DHRS7: variants seen among roughly 807,000 people sequenced by gnomAD.
DHRS7 encodes the protein dehydrogenase/reductase SDR family member 7.
In DHRS7, 34 loss-of-function variants were observed where a neutral mutation model predicts 38.9. The observed-to-expected ratio is 0.87, with a 90% CI of 0.66 to 1.16. The LOEUF is 1.16. DHRS7 is among the 50% of genes most tolerant of loss of function. The pLI, the probability that DHRS7 is intolerant of heterozygous loss-of-function variation, is 0.00. For missense variants in DHRS7, 421 were observed against 407.0 expected, an observed-to-expected ratio of 1.03 and a Z score of -0.30; for synonymous variants, 158 against 153.1, an observed-to-expected ratio of 1.03 and a Z score of -0.24.
intron 1 of DHRS7, among the ~76,000 whole-genome samples, chr14:60,158,492 TACTA>T (rs1391665641): frequency 6.6e-6 from 1 of 151,722 alleles, no homozygotes; most frequent in Non-Finnish European, 1.5e-5. Flanking sequence ...ACACAGGATT[TACTA>T]ACTAGTGTCG....
chr14:60,146,403 T>C lies in DHRS7; in HGVS notation c.973-1390A>G, dbSNP rs1281715157. ...CCCTTTGAAAAAAAAATCACTTCTA[T>C]AATATATTCTTTCTCTGCCCTATTA... On this transcript the variant is annotated intron_variant, in intron 6 of 6. Transcript: ENST00000557185. The surrounding 1 kb of genome is among the most constrained non-coding windows in gnomAD (Gnocchi z 4.9). 1.3e-5 allele frequency: 2 copies of C among 152,172 alleles called. No individual in the cohort carries two copies. Among genetic ancestry groups the C allele is most frequent in the Non-Finnish European group, 2.9e-5 (2 of 68,016 alleles). 9.4% of individuals were successfully genotyped at this position (152,172 alleles called of 1,614,324 possible).
At chr14:60,163,437 T>A (rs1896802782) in intron 1 of DHRS7, among the ~76,000 whole-genome samples, 1 of 152,152 alleles carries the variant, frequency 6.6e-6, no homozygotes, top group African/African-American at 2.4e-5. Flanking sequence ...TGCAGGTACA[T>A]GCCACCACGC....
At position 60,165,160 on chromosome 14, in the gene DHRS7, C is replaced by T. The variant is rs765311924; in HGVS notation, c.133+17G>A. The T allele has an allele frequency of 1.2e-6, 2 of 1,611,174 alleles. No homozygotes were observed. Among genetic ancestry groups the T allele is most frequent in the Admixed American group, 1.7e-5 (1 of 59,904 alleles). ...AGCCCGGCCTCCCACTCGGGAGAGG[C>T]TTTGGCCGGTCCTCACCTGGGCGTC... On this transcript the variant is annotated intron_variant, in intron 1 of 6. Coordinates refer to ENST00000557185, the MANE Select transcript of DHRS7 (RefSeq NM_016029.4). This position sits in a 1 kb window ranked among gnomAD's most constrained non-coding sequence, Gnocchi z 4.6.
upstream of DHRS7, chr14:60,168,751 AAAAC>A: frequency 6.4e-7 from 1 of 1,554,244 alleles, no homozygotes; most frequent in Non-Finnish European, 8.7e-7. Context: ...AGATTTAAGA[AAAAC>A]AAAATTCTTT....
chr14:60,146,314 A>G lies in DHRS7; in HGVS notation c.973-1301T>C, dbSNP rs1330426071. ...CTAAACAAAACAAAATATCCTTCATATGGACATTTCTGGAAGTACTACTAC... is the reference window on the plus strand; with the variant it reads ...CTAAACAAAACAAAATATCCTTCATGTGGACATTTCTGGAAGTACTACTAC... On this transcript the variant is annotated intron_variant, in intron 6 of 6. Transcript: ENST00000557185. This position sits in a 1 kb window ranked among gnomAD's most constrained non-coding sequence, Gnocchi z 4.9. 2 of 152,140 alleles carry G rather than the reference A, an allele frequency of 1.3e-5. No individual in the cohort carries two copies. The highest frequency in any genetic ancestry group is 2.9e-5 in the Non-Finnish European group (2 of 68,018). 9.4% of individuals were successfully genotyped at this position (152,140 alleles called of 1,614,324 possible).
At chr14:60,149,755 C>T (rs1189312060) in intron 5 of DHRS7, among the ~76,000 whole-genome samples, 187 bp from the exon 6 acceptor site, 2 of 151,568 alleles carry the variant, frequency 1.3e-5, no homozygotes, top group African/African-American at 2.4e-5. Context: ...TAACAGAAAC[C>T]ATATGCTTAC....
Position 60,161,391 on chromosome 14 carries a change from A to G in DHRS7, c.133+3786T>C, listed in dbSNP as rs1896762445. 6.6e-6 allele frequency among the ~76,000 whole-genome samples: 1 copy of G among 152,196 alleles called. No individual in the cohort carries two copies. Among genetic ancestry groups the G allele is most frequent in the Non-Finnish European group, 1.5e-5 (1 of 68,034 alleles). On this transcript the variant is annotated intron_variant, in intron 1 of 6. Transcript: ENST00000557185. This position sits in a 1 kb window ranked among gnomAD's most constrained non-coding sequence, Gnocchi z 4.2. ...AGACAGACATTTAAATTGTGTTGCA[A>G]TTCTGCTTTCTTGTTTTACAAAAAG... is the stretch of plus-strand genomic sequence containing the variant.
chr14:60,159,306 GAC>G, intron 1 of DHRS7: 1 of 433,116 alleles, frequency 2.3e-6, no homozygotes, highest in Non-Finnish European at 4.2e-6. Flanking sequence ...TCAAACAACT[GAC>G]ACAAAAAGCA....
chr14:60,154,143 C>A lies in DHRS7; in HGVS notation c.287-78G>T, dbSNP rs2297299. On this transcript the variant is annotated intron_variant, in intron 2 of 6. Transcript: ENST00000557185. Reference sequence around the variant, plus strand: ...CCTTGCTACTCCCACTAACACCCACCCTGCAACAGGACTTGGCAACAAACT... The same window carrying A: ...CCTTGCTACTCCCACTAACACCCACACTGCAACAGGACTTGGCAACAAACT... The A allele has an allele frequency of 2.4e-3, 2,648 of 1,093,984 alleles. 60 individuals are homozygous for A. The East Asian group carries it at 0.052, about 21-fold the overall frequency. 67.8% of individuals were successfully genotyped at this position (1,093,984 alleles called of 1,614,324 possible). A position where few individuals can be genotyped will look rare whatever the true frequency, so the allele number is the denominator to read the frequency against.
At chr14:60,149,313 A>T in intron 6 of DHRS7, 40 bp downstream of exon 6, 1 of 1,578,688 alleles carries the variant, frequency 6.3e-7, no homozygotes, top group South Asian at 1.1e-5. Context: ...TTCCTGCAAG[A>T]TTGGTACATA....
In DHRS7 at chr14:60,165,240, G is replaced by T; in HGVS notation, c.70C>A (p.Arg24Ser). Residue 24 changes from arginine (R) to serine (S), a missense_variant, in exon 1 of 7, where the codon CGC becomes AGC. Coordinates refer to ENST00000557185, the MANE Select transcript of DHRS7 (RefSeq NM_016029.4). The surrounding 1 kb of genome is among the most constrained non-coding windows in gnomAD (Gnocchi z 4.6). ...ALLLLLVQLL[R>S]FLRADGDLTL... ...AGGTCGCCGTCAGCCCTCAGGAAGC[G>T]CAGCAGCTGCACCAAGAGCAGGAGC... 6.2e-7 allele frequency: 1 copy of T among 1,610,094 alleles called. No homozygotes were observed. The highest frequency in any genetic ancestry group is 8.5e-7 in the Non-Finnish European group (1 of 1,179,410).
chr14:60,155,301 T>G (rs1465382667), intron 2 of DHRS7, among the ~76,000 whole-genome samples: 1 of 151,822 alleles, frequency 6.6e-6, no homozygotes, highest in Non-Finnish European at 1.5e-5. Flanking sequence ...ATACAAAAAT[T>G]AGCTGGGTGT....
At position 60,155,991 on chromosome 14, in the gene DHRS7, T is replaced by TC. The variant is rs1316058924; in HGVS notation, c.286+8dup. 3 of 1,535,004 alleles carry TC rather than the reference T, an allele frequency of 2.0e-6. No homozygotes were observed. The African/African-American group carries it at 4.2e-5, about 22-fold the overall frequency. ...TAGGAAGCACCGCTGCTATTTCAGA[T>TC]CCGCTTACCTAGGCATCTTCTTTTC... is the stretch of plus-strand genomic sequence containing the variant. On this transcript the variant is annotated intron_variant, in intron 2 of 6. Coordinates refer to ENST00000557185, the MANE Select transcript of DHRS7 (RefSeq NM_016029.4).
rs761742378 is a variant in DHRS7 at position 60,165,223 on chromosome 14, G to A, written c.87C>T (p.Asp29=). The A allele has an allele frequency of 3.1e-5, 50 of 1,611,888 alleles. No individual in the cohort carries two copies. Among genetic ancestry groups the A allele is most frequent in the Middle Eastern group, 1.6e-4 (1 of 6,080 alleles). ...LVQLLRFLRA[D]GDLTLLWAEW... is the part of the protein sequence containing the mutation. ...CGGCCCATAGTAGCGTCAGGTCGCC[G>A]TCAGCCCTCAGGAAGCGCAGCAGCT... Residue 29 remains aspartate (D), a synonymous_variant, in exon 1 of 7, where the codon GAC becomes GAT. Transcript: ENST00000557185. The surrounding 1 kb of genome is among the most constrained non-coding windows in gnomAD (Gnocchi z 4.6).
intron 1 of DHRS7, among the ~76,000 whole-genome samples, chr14:60,164,013 T>C (rs960844813): frequency 2.6e-5 from 4 of 152,180 alleles, no homozygotes; most frequent in Non-Finnish European, 5.9e-5. Context: ...GCCATAGTTT[T>C]GTAGCACTGC....
In DHRS7 at chr14:60,153,846, C is replaced by G. The variant is rs930649716; in HGVS notation, c.393+113G>C. On this transcript the variant is annotated intron_variant, in intron 3 of 6. Transcript: ENST00000557185. This position sits in a 1 kb window ranked among gnomAD's most constrained non-coding sequence, Gnocchi z 4.4. Reference sequence around the variant, plus strand: ...AAGGGGCCCAACTCATGGGCCCGATCTCACTGCATGGACCCCACTTGCCTA... The same window carrying G: ...AAGGGGCCCAACTCATGGGCCCGATGTCACTGCATGGACCCCACTTGCCTA... 50 of 825,142 alleles carry G rather than the reference C, an allele frequency of 6.1e-5. No individual in the cohort carries two copies. Among genetic ancestry groups the G allele is most frequent in the Admixed American group, 4.4e-4 (20 of 45,008 alleles). 51.1% of individuals were successfully genotyped at this position (825,142 alleles called of 1,614,324 possible). A position where few individuals can be genotyped will look rare whatever the true frequency, so the allele number is the denominator to read the frequency against.
rs1231526224 is a variant in DHRS7, at chr14:60,148,053, A to G, written c.972+1300T>C. On this transcript the variant is annotated intron_variant, in intron 6 of 6. Transcript: ENST00000557185. This position sits in a 1 kb window ranked among gnomAD's most constrained non-coding sequence, Gnocchi z 4.8. ...TGTTCCACATTACTACTTGGTAGAA[A>G]ACGAAAAGCTCCTTTTTGATTTTTC... is the stretch of plus-strand genomic sequence containing the variant. 1 of 152,260 alleles carries G rather than the reference A, an allele frequency of 6.6e-6. No homozygotes were observed. The highest frequency in any genetic ancestry group is 1.5e-5 in the Non-Finnish European group (1 of 68,052). 9.4% of individuals were successfully genotyped at this position (152,260 alleles called of 1,614,324 possible). A position where few individuals can be genotyped will look rare whatever the true frequency, so the allele number is the denominator to read the frequency against.
intron 4 of DHRS7, among the ~76,000 whole-genome samples, chr14:60,150,965 C>A (rs1051044666): frequency 6.6e-6 from 1 of 152,120 alleles, no homozygotes; most frequent in Non-Finnish European, 1.5e-5. Flanking sequence ...CCTCTCCCCA[C>A]TCCAAAAGGG....
Position 60,145,388 on chromosome 14 carries a change from A to G in DHRS7, c.973-375T>C, listed in dbSNP as rs111610723. The G allele has an allele frequency of 5.6e-4, 87 of 155,036 alleles. 3 individuals are homozygous for G. In the Middle Eastern group the frequency reaches 0.02, roughly 35 times the overall value. 9.6% of individuals were successfully genotyped at this position (155,036 alleles called of 1,614,324 possible). On this transcript the variant is annotated intron_variant, in intron 6 of 6. Coordinates refer to ENST00000557185, the MANE Select transcript of DHRS7 (RefSeq NM_016029.4). The surrounding 1 kb of genome is among the most constrained non-coding windows in gnomAD (Gnocchi z 4.0). ...GATATATGGAAGATAACTCTTTAAAATTATTTGTGGCCAGGCAGGCACTGT... is the reference window on the plus strand; with the variant it reads ...GATATATGGAAGATAACTCTTTAAAGTTATTTGTGGCCAGGCAGGCACTGT...
Sources: allele counts gnomAD v4.1 joint callset (sites outside exome capture counted in the v4.1 genomes callset), GRCh38; gene constraint gnomAD v4.1.1; non-coding constraint Gnocchi (gnomAD v3.1); transcripts MANE v1.5; gene names NCBI Gene and HGNC (gene_info 2026-07-23, HGNC 2026-07-21).